SCN11A: variants seen among roughly 807,000 people sequenced by gnomAD.
SCN11A encodes the protein sodium voltage-gated channel alpha subunit 11, also known as sodium channel protein type 11 subunit alpha.
SCN11A carries 122 observed loss-of-function variants against 162.2 expected under a neutral mutation model. That is an observed-to-expected ratio of 0.75 (90% confidence interval 0.65 to 0.87). The LOEUF (loss-of-function observed/expected upper bound fraction) is 0.87. Among genes scored for constraint, SCN11A ranks in the 40% least tolerant of loss-of-function variants. The pLI is 0.00. For missense variants in SCN11A, 2,015 were observed against 2,181.6 expected (o/e 0.92, Z 1.52); for synonymous variants, 758 against 751.5 (o/e 1.01, Z -0.14).
At chr3:39,021,613 C>G (rs1423244436) in intron 2 of SCN11A, among the ~76,000 whole-genome samples, 1 of 152,022 alleles carries the variant, frequency 6.6e-6, no homozygotes, top group Non-Finnish European at 1.5e-5. Context: ...GAATCTTAAC[C>G]GAAGTTTGGT....
chr3:38,917,564 C>T lies in SCN11A; in HGVS notation c.959+2371G>A, dbSNP rs139824239. 1.6e-3 allele frequency among the ~76,000 whole-genome samples: 242 copies of T among 152,180 alleles called. 4 individuals carry two copies. Among genetic ancestry groups the T allele is most frequent in the Non-Finnish European group, 4.4e-4 (30 of 67,990 alleles). On this transcript the variant is annotated intron_variant, in intron 11 of 29. Transcript: ENST00000302328. The stretch of plus-strand genomic sequence containing the variant: ...TAACCTTAACAAACTAATGCAAGAA[C>T]AGAAAAACCAAATCCTACATGTTCT...
chr3:39,007,225 A>G (rs1189697420), intron 2 of SCN11A, among the ~76,000 whole-genome samples: 1 of 152,218 alleles, frequency 6.6e-6, no homozygotes, highest in Non-Finnish European at 1.5e-5. Context: ...AGCAACTCAA[A>G]GCACTCTAAA....
chr3:39,051,285 C>T (rs1439567509), intron 1 of SCN11A, among the ~76,000 whole-genome samples: 22 of 152,076 alleles, frequency 1.4e-4, no homozygotes, highest in Admixed American at 5.2e-4. Flanking sequence ...CCACCCTCCA[C>T]CCTCCGAAAG....
chr3:38,971,067 G>A lies in SCN11A; in HGVS notation c.-279-10644C>T, dbSNP rs1048664021. On this transcript the variant is annotated intron_variant, in intron 2 of 29. Transcript: ENST00000302328. ...GTTGCCGTGGCTCAAATCCAGAGACGTAAGTGTCTGATGTGTGTCCCTGAG... is the reference window on the plus strand; with the variant it reads ...GTTGCCGTGGCTCAAATCCAGAGACATAAGTGTCTGATGTGTGTCCCTGAG... Among the ~76,000 whole-genome samples, 6 of 152,096 alleles carry A rather than the reference G, an allele frequency of 3.9e-5. No homozygotes were observed. In the East Asian group the frequency reaches 7.7e-4, roughly 20 times the overall value.
intron 2 of SCN11A, among the ~76,000 whole-genome samples, chr3:38,966,467 AT>A (rs1373452125): frequency 2.6e-5 from 4 of 152,158 alleles, no homozygotes; most frequent in Admixed American, 6.5e-5. Flanking sequence ...AGGATTGTAC[AT>A]TTTTATTGCT....
chr3:39,004,263 T>C (rs779238835), intron 2 of SCN11A, among the ~76,000 whole-genome samples: 19 of 152,346 alleles, frequency 1.2e-4, no homozygotes, highest in Non-Finnish European at 2.4e-4. Flanking sequence ...CCCAGCATCA[T>C]TTATTGAATA....
chr3:39,030,205 G>A (rs1053155585), intron 2 of SCN11A, among the ~76,000 whole-genome samples: 3 of 152,210 alleles, frequency 2.0e-5, no homozygotes, highest in South Asian at 2.1e-4. Context: ...GAGGCAAGAG[G>A]AGGAGTGAGC....
chr3:38,880,861 T>C (rs66497952), intron 22 of SCN11A, among the ~76,000 whole-genome samples: 16,338 of 152,216 alleles, frequency 0.11, 1,559 homozygotes, highest in African/African-American at 0.26. Context: ...ACAGGGTCTA[T>C]ATAACTAGCG....
chr3:38,967,393 A>G (rs2066789670), intron 2 of SCN11A, among the ~76,000 whole-genome samples: 1 of 152,362 alleles, frequency 6.6e-6, no homozygotes, highest in Non-Finnish European at 1.5e-5. Context: ...AGGACACTCA[A>G]TGAGCCCTAC....
chr3:38,959,598 C>G (rs1360449994), intron 3 of SCN11A, among the ~76,000 whole-genome samples: 1 of 152,188 alleles, frequency 6.6e-6, no homozygotes, highest in Non-Finnish European at 1.5e-5. Flanking sequence ...CACCATGACA[C>G]TCTCATCCAC....
chr3:39,037,943 A>T (rs1160570320), intron 1 of SCN11A, among the ~76,000 whole-genome samples: 2 of 152,256 alleles, frequency 1.3e-5, no homozygotes, highest in Non-Finnish European at 2.9e-5. Context: ...CAATCTTTTC[A>T]TAAAGAAAAT....
chr3:38,944,282 C>CTA (rs2066482807), intron 7 of SCN11A, among the ~76,000 whole-genome samples: 1 of 151,842 alleles, frequency 6.6e-6, no homozygotes, highest in African/African-American at 2.4e-5. Flanking sequence ...AACATTTTGT[C>CTA]TATATATATC....
intron 7 of SCN11A, among the ~76,000 whole-genome samples, chr3:38,941,678 C>T (rs935623502): frequency 7.3e-5 from 11 of 150,992 alleles, no homozygotes; most frequent in Non-Finnish European, 1.5e-4. Flanking sequence ...CTAAAAAATG[C>T]AAATAGGTAA....
intron 2 of SCN11A, among the ~76,000 whole-genome samples, chr3:38,985,128 C>G (rs1229642899): frequency 7.9e-6 from 1 of 126,380 alleles, no homozygotes; most frequent in Non-Finnish European, 1.6e-5. Context: ...GGCTGGCTGT[C>G]TTTTTTTTTT....
At chr3:38,922,829 G>A (rs2066075338) in intron 9 of SCN11A, among the ~76,000 whole-genome samples, 1 of 152,086 alleles carries the variant, frequency 6.6e-6, no homozygotes, top group African/African-American at 2.4e-5. Context: ...TTAGGTATTG[G>A]GGCCATGCGG....
At chr3:39,046,743 C>T (rs1043602014) in intron 1 of SCN11A, among the ~76,000 whole-genome samples, 3 of 152,008 alleles carry the variant, frequency 2.0e-5, no homozygotes, top group African/African-American at 7.2e-5. Context: ...TTTTTTGAAA[C>T]AGGGTCTTGC....
intron 2 of SCN11A, among the ~76,000 whole-genome samples, chr3:38,984,692 G>A (rs1323857946): frequency 6.6e-6 from 1 of 152,014 alleles, no homozygotes; most frequent in Non-Finnish European, 1.5e-5. Flanking sequence ...TGTATTTTTA[G>A]TAGAGACGGG....
intron 17 of SCN11A, among the ~76,000 whole-genome samples, chr3:38,898,400 G>A (rs1021621108): frequency 1.3e-5 from 2 of 152,144 alleles, no homozygotes; most frequent in African/African-American, 2.4e-5. Flanking sequence ...AAAGTTTAAC[G>A]GTTGCCACAC....
intron 22 of SCN11A, among the ~76,000 whole-genome samples, chr3:38,881,598 A>G (rs182190806): frequency 7.7e-4 from 117 of 152,250 alleles, no homozygotes; most frequent in Non-Finnish European, 1.5e-3. Flanking sequence ...ACTCTAATGA[A>G]CCCCAAATCA....
Sources: gnomAD v4.1 joint callset for allele counts (sites outside exome capture counted in the v4.1 genomes callset) on GRCh38, gnomAD v4.1.1 for gene constraint, MANE v1.5 for transcripts, NCBI Gene and HGNC (gene_info 2026-07-23, HGNC 2026-07-21) for gene names.